The following GDI2 variants were observed in gnomAD, a reference collection of about 807,000 sequenced individuals.
The protein encoded by GDI2 is rab GDP dissociation inhibitor beta.
Under a neutral mutation model 54.2 loss-of-function variants are expected in GDI2, and 22 were observed. The observed-to-expected ratio is 0.41, with a 90% confidence interval of 0.29 to 0.58. The LOEUF is 0.58. Among genes scored for constraint, GDI2 ranks in the 20% least tolerant of loss-of-function variants. The probability of loss-of-function intolerance (pLI) is 0.35; values close to 1 mark genes in which losing one functional copy is unlikely to be tolerated. For synonymous variants in GDI2, 177 were observed against 182.1 expected, an observed-to-expected ratio of 0.97 and a Z score of 0.23; for missense variants, 422 against 546.0, an observed-to-expected ratio of 0.77 and a Z score of 2.26.
At chr10:5,809,879 A>C (rs1019409903) in intron 1 of GDI2, among the ~76,000 whole-genome samples, 1 of 152,240 alleles carries the variant, frequency 6.6e-6, no homozygotes, top group Non-Finnish European at 1.5e-5. Context: ...AATATGTCTA[A>C]TTTCACTTAT....
rs998831037 is a variant in GDI2, at chr10:5,776,674, G to C, written c.720-2733C>G. Reference sequence around the variant, plus strand: ...ATGTAGATGCTGATTTTGTAGAAAAGTCAGAGTTATGGAGCTTGCCGCCAC... The same window carrying C: ...ATGTAGATGCTGATTTTGTAGAAAACTCAGAGTTATGGAGCTTGCCGCCAC... On this transcript the variant is annotated intron_variant, in intron 6 of 10. Transcript: ENST00000380191. The surrounding 1 kb of genome is among the most constrained non-coding windows in gnomAD (Gnocchi z 5.3). 6 of 1,471,558 alleles carry C rather than the reference G, an allele frequency of 4.1e-6. No homozygotes were observed. The highest frequency in any genetic ancestry group is 2.8e-5 in the African/African-American group (2 of 71,632). 91.2% of individuals were successfully genotyped at this position (1,471,558 alleles called of 1,614,324 possible).
chr10:5,767,780 T>G (rs1047473340), intron 8 of GDI2, among the ~76,000 whole-genome samples: 2 of 152,196 alleles, frequency 1.3e-5, no homozygotes, highest in African/African-American at 4.8e-5. Context: ...ACTTGCAATT[T>G]TAGAGCCATG....
intron 1 of GDI2, among the ~76,000 whole-genome samples, chr10:5,812,533 T>C (rs1421421174): frequency 2.6e-5 from 4 of 152,192 alleles, no homozygotes; most frequent in Non-Finnish European, 5.9e-5. Flanking sequence ...CGAAAGCATT[T>C]GACGGACAAG....
chr10:5,782,829 A>G (rs961847941), intron 6 of GDI2, among the ~76,000 whole-genome samples: 1 of 152,186 alleles, frequency 6.6e-6, no homozygotes, highest in Non-Finnish European at 1.5e-5. Flanking sequence ...GCTCCTTGGG[A>G]GGCTGAGGCA....
At chr10:5,777,402 G>A (rs1840649937) in intron 6 of GDI2, among the ~76,000 whole-genome samples, 2 of 152,200 alleles carry the variant, frequency 1.3e-5, no homozygotes, top group South Asian at 2.1e-4. Context: ...GAACCCAGGA[G>A]GCGGAGGCTG....
In GDI2 at chr10:5,768,095, T is replaced by C. The variant is rs1840400266; in HGVS notation, c.991+118A>G. 4 of 782,986 alleles carry C rather than the reference T, an allele frequency of 5.1e-6. No individual in the cohort carries two copies. Among genetic ancestry groups the C allele is most frequent in the Admixed American group, 2.5e-5 (1 of 40,020 alleles). The allele number at this position is 782,986 out of a possible 1,614,324, so 48.5% of individuals were successfully genotyped here. A position where few individuals can be genotyped will look rare whatever the true frequency, so the allele number is the denominator to read the frequency against. ...GAGGTACAAAGATTTTTTTCCCCCATATGTAAACCAAGGTCTGTTCACTAA... is the reference window on the plus strand; with the variant it reads ...GAGGTACAAAGATTTTTTTCCCCCACATGTAAACCAAGGTCTGTTCACTAA... On this transcript the variant is annotated intron_variant, in intron 8 of 10. Coordinates refer to ENST00000380191, the MANE Select transcript of GDI2 (RefSeq NM_001494.4). This position sits in a 1 kb window ranked among gnomAD's most constrained non-coding sequence, Gnocchi z 4.4.
At chr10:5,806,327 C>T (rs573523101) in intron 1 of GDI2, among the ~76,000 whole-genome samples, 5 of 125,680 alleles carry the variant, frequency 4.0e-5, no homozygotes, top group African/African-American at 1.4e-4. Context: ...ATAATCTCAG[C>T]CCTTTGGGAG....
chr10:5,781,237 CAG>C (rs1049608120), intron 6 of GDI2, among the ~76,000 whole-genome samples: 3 of 144,958 alleles, frequency 2.1e-5, no homozygotes, highest in Non-Finnish European at 4.5e-5. Context: ...CAAGATGAAT[CAG>C]ATTTAAATGC....
intron 5 of GDI2, 72 bp from the exon 6 acceptor site, chr10:5,785,345 T>C: frequency 8.9e-7 from 1 of 1,117,558 alleles, no homozygotes; most frequent in Non-Finnish European, 1.3e-6. Context: ...ATAATTTTTT[T>C]TGAAGCGATT....
At chr10:5,794,089 G>T (rs1841077637) in intron 4 of GDI2, among the ~76,000 whole-genome samples, 1 of 149,758 alleles carries the variant, frequency 6.7e-6, no homozygotes, top group African/African-American at 2.5e-5. Context: ...GCTTGAACCT[G>T]GGAGGTAGAG....
intron 5 of GDI2, 50 bp from the exon 6 acceptor site, chr10:5,785,323 G>C (rs766054329): frequency 3.0e-6 from 4 of 1,348,972 alleles, no homozygotes; most frequent in Non-Finnish European, 4.1e-6. Flanking sequence ...TTTCATTCAT[G>C]GTGTTCAATT....
At chr10:5,793,930 A>G (rs527302826) in intron 4 of GDI2, among the ~76,000 whole-genome samples, 1 of 151,930 alleles carries the variant, frequency 6.6e-6, no homozygotes, top group East Asian at 1.9e-4. Context: ...TTGGGAGGCC[A>G]AGGCAGGTGA....
At chr10:5,796,055 G>C (rs1841140647) in intron 3 of GDI2, among the ~76,000 whole-genome samples, 1 of 152,050 alleles carries the variant, frequency 6.6e-6, no homozygotes, top group Non-Finnish European at 1.5e-5. Flanking sequence ...TCAGAAAAAA[G>C]TACTAATATT....
In GDI2 at chr10:5,768,083, T is replaced by A; in HGVS notation, c.991+130A>T. 1.4e-6 allele frequency: 1 copy of A among 708,326 alleles called. No individual in the cohort carries two copies. The highest frequency in any genetic ancestry group is 2.4e-6 in the Non-Finnish European group (1 of 416,216). The allele number at this position is 708,326 out of a possible 1,614,324, so 43.9% of individuals were successfully genotyped here. A position where few individuals can be genotyped will look rare whatever the true frequency, so the allele number is the denominator to read the frequency against. ...CCGGAGCAGGAGGAGGTACAAAGAT[T>A]TTTTTCCCCCATATGTAAACCAAGG... On this transcript the variant is annotated intron_variant, in intron 8 of 10. Coordinates refer to ENST00000380191, the MANE Select transcript of GDI2 (RefSeq NM_001494.4). This position sits in a 1 kb window ranked among gnomAD's most constrained non-coding sequence, Gnocchi z 4.4.
chr10:5,792,353 A>T (rs1841037201), intron 4 of GDI2, among the ~76,000 whole-genome samples: 1 of 152,246 alleles, frequency 6.6e-6, no homozygotes, highest in Non-Finnish European at 1.5e-5. Context: ...GATAATACAC[A>T]TGAAGTACTT....
chr10:5,785,313 T>C lies in GDI2; in HGVS notation c.588-40A>G, dbSNP rs1396292770. The stretch of plus-strand genomic sequence containing the variant: ...ATGAGTATTAGGAAAGGGCTTTAGT[T>C]TTCATTCATGGTGTTCAATTTATAA... On this transcript the variant is annotated intron_variant, in intron 5 of 10. Coordinates refer to ENST00000380191, the MANE Select transcript of GDI2 (RefSeq NM_001494.4). 2.1e-6 allele frequency: 3 copies of C among 1,438,624 alleles called. No individual in the cohort carries two copies. In the Admixed American group the frequency reaches 6.0e-5, roughly 29 times the overall value. The allele number at this position is 1,438,624 out of a possible 1,614,324, so 89.1% of individuals were successfully genotyped here.
In GDI2 at chr10:5,768,655, G is replaced by A. The variant is rs546825776; in HGVS notation, c.820-271C>T. On this transcript the variant is annotated intron_variant, in intron 7 of 10. Coordinates refer to ENST00000380191, the MANE Select transcript of GDI2 (RefSeq NM_001494.4). The surrounding 1 kb of genome is among the most constrained non-coding windows in gnomAD (Gnocchi z 4.4). ...AACGTATGGACCAATGAAACGAGGA[G>A]AGAGCCAGAAATAAACCCTCGCATC... The A allele has an allele frequency of 1.4e-3, 435 of 320,662 alleles. 2 individuals carry two copies. Among genetic ancestry groups the A allele is most frequent in the Non-Finnish European group, 2.1e-3 (367 of 174,542 alleles). The allele number at this position is 320,662 out of a possible 1,614,324, so 19.9% of individuals were successfully genotyped here.
At chr10:5,792,411 T>A (rs1222845290) in intron 4 of GDI2, among the ~76,000 whole-genome samples, 6 of 152,230 alleles carry the variant, frequency 3.9e-5, no homozygotes, top group Non-Finnish European at 8.8e-5. Flanking sequence ...TGAGTTCTTA[T>A]TAAAATTATA....
intron 6 of GDI2, among the ~76,000 whole-genome samples, chr10:5,781,233 G>A (rs1332956991): frequency 3.5e-5 from 5 of 143,928 alleles, no homozygotes; most frequent in Admixed American, 2.8e-4. Flanking sequence ...GTCTCAAGAT[G>A]AATCAGATTT....
Sources: allele counts gnomAD v4.1 joint callset (sites outside exome capture counted in the v4.1 genomes callset), GRCh38; gene constraint gnomAD v4.1.1; non-coding constraint Gnocchi (gnomAD v3.1); transcripts MANE v1.5; gene names NCBI Gene and HGNC (gene_info 2026-07-23, HGNC 2026-07-21).